The following TP63 variants were observed in gnomAD, a reference collection of about 807,000 sequenced individuals.
The protein encoded by TP63 is tumor protein p63.
TP63 carries 17 observed loss-of-function variants against 82.8 expected under a neutral mutation model. That is an observed-to-expected ratio of 0.21 (90% CI 0.14 to 0.31). The LOEUF is 0.31. Among genes scored for constraint, TP63 ranks in the 10% least tolerant of loss-of-function variants. The probability of loss-of-function intolerance (pLI) is 1.00; values close to 1 mark genes in which losing one functional copy is unlikely to be tolerated. For synonymous variants in TP63, 330 were observed against 321.7 expected, an observed-to-expected ratio of 1.03 and a Z score of -0.28; for missense variants, 648 against 895.3, an observed-to-expected ratio of 0.72 and a Z score of 3.52.
chr3:189,682,352 CCTTTTTTTTTTTTTAATTACTA>C, intron 1 of TP63, among the ~76,000 whole-genome samples: 1 of 127,446 alleles, frequency 7.8e-6, no homozygotes, highest in South Asian at 2.5e-4. Flanking sequence ...TAAATCAGCA[CCTTTTTTTTTTTTTAATTACTA>C]CTTAGTGTTG....
chr3:189,678,084 G>T (rs2108686179), intron 1 of TP63, among the ~76,000 whole-genome samples: 1 of 151,954 alleles, frequency 6.6e-6, no homozygotes, highest in East Asian at 1.9e-4. Flanking sequence ...CTGTGCAGAA[G>T]GTTTTTATTT....
In TP63 at chr3:189,769,680, A is replaced by G. The variant is rs372906556; in HGVS notation, c.324+30906A>G. 3.9e-4 allele frequency among the ~76,000 whole-genome samples: 60 copies of G among 152,326 alleles called. No individual in the cohort carries two copies. In the Middle Eastern group the frequency reaches 0.01, roughly 26 times the overall value. ...TGTATCAAAAGAAATAAAACTTTCA[A>G]AATGACTGTGCCCATTTAGACATTT... On this transcript the variant is annotated intron_variant, in intron 3 of 13. Transcript: ENST00000264731.
chr3:189,756,177 A>G (rs935178834), intron 3 of TP63, among the ~76,000 whole-genome samples: 1 of 152,206 alleles, frequency 6.6e-6, no homozygotes, highest in Admixed American at 6.5e-5. Flanking sequence ...GGCTTCTACT[A>G]TTAAAATAAT....
intron 1 of TP63, among the ~76,000 whole-genome samples, chr3:189,684,290 A>T (rs780648038): frequency 2.6e-5 from 4 of 152,184 alleles, no homozygotes; most frequent in Non-Finnish European, 4.4e-5. Flanking sequence ...AAAACCTAAC[A>T]TCCTATAGGG....
intron 3 of TP63, among the ~76,000 whole-genome samples, chr3:189,794,658 C>T (rs1472555906): frequency 1.3e-5 from 2 of 151,862 alleles, no homozygotes; most frequent in African/African-American, 4.8e-5. Flanking sequence ...TCAGAGATGA[C>T]CATAACACTG....
At chr3:189,616,211 G>A in the TP63 span, among the ~76,000 whole-genome samples, 66 of 152,262 alleles carry the variant, frequency 4.3e-4, no homozygotes, top group South Asian at 0.014. Flanking sequence ...CATTACTGCT[G>A]CTTCTTTACC....
In TP63 at chr3:189,895,651, TG is replaced by T. The variant is rs1416662897; in HGVS notation, c.*1150del. On this transcript the variant is annotated 3_prime_UTR_variant, in exon 14 of 14. Transcript: ENST00000264731. ...TCTCAATGAACCATAAATTCAACTT[TG>T]TAAAAATCTTTTGAAGCATAGATAA... 3 of 227,218 alleles carry T rather than the reference TG, an allele frequency of 1.3e-5. No homozygotes were observed. Among genetic ancestry groups the T allele is most frequent in the African/African-American group, 6.7e-5 (3 of 45,062 alleles). 14.1% of individuals were successfully genotyped at this position (227,218 alleles called of 1,614,324 possible).
At chr3:189,716,371 T>A (rs1026826706) in intron 1 of TP63, among the ~76,000 whole-genome samples, 4 of 152,146 alleles carry the variant, frequency 2.6e-5, no homozygotes, top group African/African-American at 9.6e-5. Flanking sequence ...TTGTTTAGAT[T>A]CTTAGTCACT....
At chr3:189,830,532 A>G (rs1193583291) in intron 4 of TP63, among the ~76,000 whole-genome samples, 3 of 152,244 alleles carry the variant, frequency 2.0e-5, no homozygotes, top group Non-Finnish European at 2.9e-5. Context: ...TTTCATCACA[A>G]ACCACAATGA....
At chr3:189,805,904 C>T (rs965007926) in intron 3 of TP63, among the ~76,000 whole-genome samples, 1 of 152,168 alleles carries the variant, frequency 6.6e-6, no homozygotes, top group Non-Finnish European at 1.5e-5. Context: ...CCTCAGGTGA[C>T]TCAGAGGCAG....
intron 1 of TP63, among the ~76,000 whole-genome samples, chr3:189,670,119 G>A (rs1163014051): frequency 6.6e-6 from 1 of 151,876 alleles, no homozygotes; most frequent in Non-Finnish European, 1.5e-5. Context: ...GAGACAATCA[G>A]GAAGAAATAA....
chr3:189,720,736 GAAAAAAA>G (rs548352369), intron 1 of TP63, among the ~76,000 whole-genome samples: 5 of 120,906 alleles, frequency 4.1e-5, no homozygotes, highest in Admixed American at 9.0e-5. Context: ...CTCCGTCTCA[GAAAAAAA>G]AAAAAAAAAA....
intron 9 of TP63, among the ~76,000 whole-genome samples, chr3:189,870,373 A>G (rs898945481): frequency 2.0e-5 from 3 of 152,240 alleles, no homozygotes; most frequent in Non-Finnish European, 4.4e-5. Flanking sequence ...ACAATATAGT[A>G]TAACAACTAA....
intron 3 of TP63, among the ~76,000 whole-genome samples, chr3:189,747,009 G>C (rs1445461860): frequency 1.3e-5 from 2 of 151,204 alleles, no homozygotes; most frequent in Non-Finnish European, 3.0e-5. Flanking sequence ...AGAAACAAAG[G>C]TCATTATGTA....
intron 10 of TP63, among the ~76,000 whole-genome samples, chr3:189,876,202 G>A (rs532693281): frequency 2.6e-5 from 4 of 152,282 alleles, no homozygotes; most frequent in Non-Finnish European, 5.9e-5. Context: ...CATTGTTTTA[G>A]AAACTTGACA....
At chr3:189,643,250 C>G (rs1192736050) in intron 1 of TP63, among the ~76,000 whole-genome samples, 1 of 152,134 alleles carries the variant, frequency 6.6e-6, no homozygotes, top group African/African-American at 2.4e-5. Flanking sequence ...ATCTGCCCGC[C>G]TCAGCCTCTC....
At chr3:189,709,596 A>C (rs923084327) in intron 1 of TP63, among the ~76,000 whole-genome samples, 16 of 152,102 alleles carry the variant, frequency 1.1e-4, no homozygotes, top group African/African-American at 3.9e-4. Flanking sequence ...AAAGAATTAC[A>C]ATTGTGCCAC....
At chr3:189,863,256 G>A (rs573894904) in intron 4 of TP63, among the ~76,000 whole-genome samples, 1 of 152,178 alleles carries the variant, frequency 6.6e-6, no homozygotes, top group Non-Finnish European at 1.5e-5. Context: ...TGGGTGGTTT[G>A]CCTGAGCAAA....
the TP63 span, among the ~76,000 whole-genome samples, chr3:189,610,697 C>T: frequency 6.6e-6 from 1 of 152,200 alleles, no homozygotes. Context: ...TCCAAAGTTA[C>T]TTCCACATTT....
Sources: allele counts gnomAD v4.1 joint callset (sites outside exome capture counted in the v4.1 genomes callset), GRCh38; gene constraint gnomAD v4.1.1; transcripts MANE v1.5; gene names NCBI Gene and HGNC (gene_info 2026-07-23, HGNC 2026-07-21).